HHLA1: variants seen among roughly 807,000 people sequenced by gnomAD.
The protein encoded by HHLA1 is HHLA1 neighbor of OC90.
A neutral mutation model predicts 69.9 loss-of-function variants in HHLA1; 72 were observed. The observed-to-expected ratio is 1.03, with a 90% CI of 0.85 to 1.25. HHLA1 has a LOEUF of 1.25. Among genes scored for constraint, HHLA1 ranks in the 50% most tolerant of loss-of-function variants. HHLA1 has a pLI of 0.00. For synonymous variants in HHLA1, 252 were observed against 233.2 expected (o/e 1.08, Z -0.73); for missense variants, 685 against 642.2 (o/e 1.07, Z -0.72).
chr8:132,095,553 G>A lies in HHLA1; in HGVS notation c.414C>T (p.Cys138=), dbSNP rs1159297252. The A allele has an allele frequency of 1.3e-6, 2 of 1,550,232 alleles. No individual in the cohort carries two copies. The highest frequency in any genetic ancestry group is 8.7e-7 in the Non-Finnish European group (1 of 1,145,528). Residue 138 remains cysteine (C), a synonymous_variant, in exon 7 of 17, where the codon TGC becomes TGT. Transcript: ENST00000414222. ...VDPAKFPTRY[C]YCLNNRTNDL... ...CATTGGTCCGATTGTTTAAACAGTA[G>A]CAATACCTTGTGGGGAATTTGGCGG...
intron 15 of HHLA1, among the ~76,000 whole-genome samples, chr8:132,067,813 G>A (rs1823467509): frequency 6.6e-6 from 1 of 152,214 alleles, no homozygotes; most frequent in Non-Finnish European, 1.5e-5. Flanking sequence ...ATGTAGGCAG[G>A]ACTATACCCA....
In HHLA1 at chr8:132,087,910, C is replaced by T. The variant is rs1021560021; in HGVS notation, c.533-9G>A. ...TTCATTGCTTTGATTCACTGTAAGA[C>T]AAACGAGTATACAATAAGACTTAGC... On this transcript the variant is annotated splice_polypyrimidine_tract_variant and intron_variant, in intron 8 of 16. Coordinates refer to ENST00000414222, the MANE Select transcript of HHLA1 (RefSeq NM_001145095.3). The T allele has an allele frequency of 2.6e-6, 4 of 1,547,848 alleles. No homozygotes were observed. The African/African-American group carries it at 4.1e-5, about 16-fold the overall frequency.
intron 15 of HHLA1, chr8:132,070,444 C>A (rs1300453004): frequency 1.4e-6 from 1 of 695,008 alleles, no homozygotes; most frequent in Non-Finnish European, 2.6e-6. Flanking sequence ...AGGCTGAGGG[C>A]ATTTGGATTA....
At chr8:132,110,099 T>C (rs1824271233) in intron 1 of HHLA1, among the ~76,000 whole-genome samples, 1 of 152,204 alleles carries the variant, frequency 6.6e-6, no homozygotes, top group African/African-American at 2.4e-5. Context: ...TTCAGCTTGA[T>C]GAGCAAACCT....
intron 15 of HHLA1, among the ~76,000 whole-genome samples, chr8:132,070,930 G>A (rs1823528320): frequency 6.7e-6 from 1 of 149,408 alleles, no homozygotes; most frequent in African/African-American, 2.5e-5. Context: ...TCTCATCACA[G>A]GTCAATTCAT....
At chr8:132,091,657 A>G (rs1233034882) in intron 7 of HHLA1, among the ~76,000 whole-genome samples, 1 of 152,248 alleles carries the variant, frequency 6.6e-6, no homozygotes, top group Admixed American at 6.5e-5. Flanking sequence ...ATTCATGACT[A>G]CCTTCATACA....
chr8:132,076,868 A>T (rs1314906914), intron 12 of HHLA1, among the ~76,000 whole-genome samples: 2 of 152,160 alleles, frequency 1.3e-5, no homozygotes, highest in Non-Finnish European at 2.9e-5. Flanking sequence ...AGGGCAAAGA[A>T]AAAATGAGTT....
chr8:132,070,706 C>T (rs1823519095), intron 15 of HHLA1, among the ~76,000 whole-genome samples: 1 of 151,974 alleles, frequency 6.6e-6, no homozygotes, highest in African/African-American at 2.4e-5. Context: ...CTCATCTCAA[C>T]TCAACACAAC....
intron 3 of HHLA1, among the ~76,000 whole-genome samples, chr8:132,102,792 ATTTTTTTTTTTTT>A (rs3048490): frequency 2.0e-3 from 288 of 143,796 alleles, no homozygotes; most frequent in East Asian, 3.8e-3. Context: ...ACTGAGCACC[ATTTTTTTTTTTTT>A]TTTTTTTTTT....
At chr8:132,109,785 T>C (rs1201010638) in intron 1 of HHLA1, among the ~76,000 whole-genome samples, 1 of 152,280 alleles carries the variant, frequency 6.6e-6, no homozygotes, top group African/African-American at 2.4e-5. Context: ...AAATACCATC[T>C]TGGAGTGCCA....
intron 3 of HHLA1, among the ~76,000 whole-genome samples, chr8:132,101,000 A>T (rs62521340): frequency 0.014 from 2,067 of 152,362 alleles, 22 homozygotes; most frequent in Non-Finnish European, 0.021. Flanking sequence ...ATTAAATGAG[A>T]CAAGCAACAT....
In HHLA1 at chr8:132,070,011, CGGG is replaced by C. The variant is rs750111284; in HGVS notation, c.1469+1326_1469+1328del. The C allele has an allele frequency of 1.2e-3, 29 of 24,204 alleles. 3 individuals carry two copies. Among genetic ancestry groups the C allele is most frequent in the East Asian group, 2.7e-3 (8 of 3,006 alleles). The allele number at this position is 24,204 out of a possible 1,614,324, so 1.5% of individuals were successfully genotyped here. Reference sequence around the variant, plus strand: ...TGAATGGAGGAAATGTTCGTACTGACGGGGGGGGGGGGGAGGGGGATGAAAGAT... The same window carrying C: ...TGAATGGAGGAAATGTTCGTACTGACGGGGGGGGGGAGGGGGATGAAAGAT... On this transcript the variant is annotated intron_variant, in intron 15 of 16. Coordinates refer to ENST00000414222, the MANE Select transcript of HHLA1 (RefSeq NM_001145095.3).
intron 9 of HHLA1, 23 bp from the exon 10 acceptor site, chr8:132,087,762 G>T (rs1348945160): frequency 1.0e-5 from 16 of 1,545,056 alleles, no homozygotes; most frequent in Non-Finnish European, 1.4e-5. Flanking sequence ...CACCAACAGG[G>T]TCAGATCTTG....
chr8:132,086,299 T>C (rs1823861470), intron 10 of HHLA1, among the ~76,000 whole-genome samples: 1 of 152,150 alleles, frequency 6.6e-6, no homozygotes, highest in Admixed American at 6.5e-5. Context: ...GGGCAGAGCC[T>C]GTGTTGGATT....
At chr8:132,072,699 C>T (rs79616293) in intron 14 of HHLA1, among the ~76,000 whole-genome samples, 1 of 152,158 alleles carries the variant, frequency 6.6e-6, no homozygotes, top group African/African-American at 2.4e-5. Flanking sequence ...TATTGTCTAG[C>T]AGACTCTCTG....
chr8:132,086,421 G>C (rs147755987), intron 10 of HHLA1, among the ~76,000 whole-genome samples: 1 of 152,160 alleles, frequency 6.6e-6, no homozygotes, highest in African/African-American at 2.4e-5. Context: ...AACACCCTGC[G>C]TGCAACACCA....
intron 8 of HHLA1, 130 bp from the exon 9 acceptor site, chr8:132,088,031 T>A: frequency 1.4e-6 from 1 of 704,208 alleles, no homozygotes; most frequent in Non-Finnish European, 2.4e-6. Flanking sequence ...GACTCTTTAC[T>A]CTTAAGGCAG....
chr8:132,106,462 C>T (rs1055857129), intron 1 of HHLA1, among the ~76,000 whole-genome samples: 1 of 152,164 alleles, frequency 6.6e-6, no homozygotes, highest in Non-Finnish European at 1.5e-5. Context: ...CTGGGGCTTT[C>T]GTGGAATTCA....
At chr8:132,071,111 G>C (rs1823532503) in intron 15 of HHLA1, among the ~76,000 whole-genome samples, 1 of 152,074 alleles carries the variant, frequency 6.6e-6, no homozygotes, top group Admixed American at 6.5e-5. Flanking sequence ...ATTGTGTCAG[G>C]CACTGCACTT....
Sources: allele counts gnomAD v4.1 joint callset (sites outside exome capture counted in the v4.1 genomes callset), GRCh38; gene constraint gnomAD v4.1.1; transcripts MANE v1.5; gene names NCBI Gene and HGNC (gene_info 2026-07-23, HGNC 2026-07-21).